The following RFX3 variants were observed in gnomAD, a reference collection of about 807,000 sequenced individuals.
The protein encoded by RFX3 is transcription factor RFX3.
RFX3 carries 14 observed loss-of-function variants against 98.6 expected under a neutral mutation model. The ratio of observed to expected loss-of-function variants is 0.14; its 90% CI spans 0.09 to 0.22. RFX3 has a LOEUF of 0.22. Among genes scored for constraint, RFX3 ranks in the 10% least tolerant of loss-of-function variants. The pLI, the probability that RFX3 is intolerant of heterozygous loss-of-function variation, is 1.00. For missense variants in RFX3, 639 were observed against 926.9 expected (o/e 0.69, Z 4.03); for synonymous variants, 383 against 328.4 (o/e 1.17, Z -1.80).
intron 2 of RFX3, among the ~76,000 whole-genome samples, chr9:3,386,705 G>C (rs1163531308): frequency 6.6e-6 from 1 of 152,134 alleles, no homozygotes; most frequent in Non-Finnish European, 1.5e-5. Flanking sequence ...AGAAAATAAT[G>C]TTGGATTTAG....
chr9:3,396,562 G>A (rs1018993088), intron 1 of RFX3, among the ~76,000 whole-genome samples: 6 of 152,076 alleles, frequency 3.9e-5, no homozygotes, highest in Admixed American at 6.5e-5. Context: ...ACCCAGTAAC[G>A]GGATGGCTGG....
intron 4 of RFX3, among the ~76,000 whole-genome samples, chr9:3,305,968 T>C (rs929534628): frequency 1.8e-4 from 28 of 152,132 alleles, no homozygotes; most frequent in African/African-American, 5.3e-4. Context: ...TAAGATCACA[T>C]GCTTCCAGTT....
chr9:3,382,340 C>T (rs912552969), intron 2 of RFX3, among the ~76,000 whole-genome samples: 5 of 152,052 alleles, frequency 3.3e-5, no homozygotes, highest in African/African-American at 4.8e-5. Context: ...TGTATTCTGT[C>T]CCACATTCAA....
intron 5 of RFX3, among the ~76,000 whole-genome samples, chr9:3,297,183 C>T (rs1323092003): frequency 6.6e-6 from 1 of 151,948 alleles, no homozygotes; most frequent in African/African-American, 2.4e-5. Flanking sequence ...TAGTATTCCC[C>T]AATCTTAACA....
chr9:3,289,941 T>A (rs184789175), intron 6 of RFX3, among the ~76,000 whole-genome samples: 3 of 151,850 alleles, frequency 2.0e-5, no homozygotes, highest in Non-Finnish European at 4.4e-5. Context: ...TAGTTCATTT[T>A]AAAAAAAAGT....
rs1312377621 is a variant in RFX3, at chr9:3,219,982, AAG to A, written c.*5058_*5059del. 1 of 152,226 alleles carries A rather than the reference AAG, an allele frequency of 6.6e-6. No individual in the cohort carries two copies. The highest frequency in any genetic ancestry group is 1.5e-5 in the Non-Finnish European group (1 of 68,050). The allele number at this position is 152,226 out of a possible 1,614,324, so 9.4% of individuals were successfully genotyped here. A position where few individuals can be genotyped will look rare whatever the true frequency, so the allele number is the denominator to read the frequency against. On this transcript the variant is annotated 3_prime_UTR_variant, in exon 17 of 17. Transcript: ENST00000617270. ...GGGAACAGAGGGAATCAAGTGCACG[AAG>A]AGATTCCCTTGAACAAAATCAGCAA...
intron 13 of RFX3, among the ~76,000 whole-genome samples, chr9:3,262,471 T>C (rs1389701431): frequency 6.6e-6 from 1 of 152,206 alleles, no homozygotes. Context: ...TTCTTAGTTC[T>C]TTCAAGGAGG....
chr9:3,234,050 C>T (rs556429623), intron 15 of RFX3, among the ~76,000 whole-genome samples: 2 of 152,296 alleles, frequency 1.3e-5, no homozygotes, highest in East Asian at 1.9e-4. Context: ...CGGGTAGGCA[C>T]ATTTTCATCC....
rs888496159 is a variant in RFX3 at position 3,221,256 on chromosome 9, G to A, written c.*3786C>T. 7 of 151,826 alleles carry A rather than the reference G, an allele frequency of 4.6e-5. No homozygotes were observed. Among genetic ancestry groups the A allele is most frequent in the African/African-American group, 1.7e-4 (7 of 41,332 alleles). 9.4% of individuals were successfully genotyped at this position (151,826 alleles called of 1,614,324 possible). On this transcript the variant is annotated 3_prime_UTR_variant, in exon 17 of 17. Coordinates refer to ENST00000617270, the MANE Select transcript of RFX3 (RefSeq NM_001282116.2). ...TAGACATTTCAAATATATCATCTGAGGAATTTTTAAAAATTTGAAAATGCA... is the reference window on the plus strand; with the variant it reads ...TAGACATTTCAAATATATCATCTGAAGAATTTTTAAAAATTTGAAAATGCA...
chr9:3,455,137 A>G (rs1015408212), intron 1 of RFX3, among the ~76,000 whole-genome samples: 11 of 152,202 alleles, frequency 7.2e-5, no homozygotes, highest in African/African-American at 2.7e-4. Flanking sequence ...GTACTCTTCT[A>G]TGTAAGACCA....
chr9:3,305,497 G>A (rs1359950043), intron 4 of RFX3, among the ~76,000 whole-genome samples: 1 of 151,896 alleles, frequency 6.6e-6, no homozygotes, highest in Admixed American at 6.6e-5. Flanking sequence ...ATCATTCATA[G>A]GAATATATCA....
chr9:3,296,222 T>A lies in RFX3; in HGVS notation c.550-2964A>T, dbSNP rs983380678. ...TGAGTCCAATGGTATATTTACATTT[T>A]TATATATATATATGGGTTAATCAGA... On this transcript the variant is annotated intron_variant, in intron 5 of 16. Transcript: ENST00000617270. 5.3e-5 allele frequency among the ~76,000 whole-genome samples: 8 copies of A among 151,350 alleles called. No individual in the cohort carries two copies. The South Asian group carries it at 6.2e-4, about 12-fold the overall frequency.
chr9:3,304,083 G>A (rs1828996748), intron 4 of RFX3, among the ~76,000 whole-genome samples: 2 of 151,912 alleles, frequency 1.3e-5, no homozygotes, highest in South Asian at 4.1e-4. Context: ...ATGCATGTTG[G>A]AACCTACTTG....
chr9:3,430,228 T>G (rs983005415), intron 1 of RFX3, among the ~76,000 whole-genome samples: 1 of 152,070 alleles, frequency 6.6e-6, no homozygotes, highest in Admixed American at 6.5e-5. Flanking sequence ...AATAGCAGAG[T>G]GTTCTAGGTT....
intron 2 of RFX3, among the ~76,000 whole-genome samples, chr9:3,380,920 T>C (rs1839123426): frequency 6.6e-6 from 1 of 152,180 alleles, no homozygotes; most frequent in South Asian, 2.1e-4. Flanking sequence ...CTAGCTTCTC[T>C]AGATCACTTT....
chr9:3,427,042 ATTTG>A (rs1477432491), intron 1 of RFX3, among the ~76,000 whole-genome samples: 2 of 151,438 alleles, frequency 1.3e-5, no homozygotes, highest in African/African-American at 2.4e-5. Flanking sequence ...TAAGACCACA[ATTTG>A]TTTGTTTAAG....
chr9:3,496,458 G>A (rs756177131), intron 1 of RFX3, among the ~76,000 whole-genome samples: 1 of 151,832 alleles, frequency 6.6e-6, no homozygotes, highest in African/African-American at 2.4e-5. Flanking sequence ...GTTTCTGATT[G>A]TCTACTGCCA....
intron 1 of RFX3, chr9:3,490,342 T>C: frequency 4.1e-6 from 4 of 982,796 alleles, no homozygotes; most frequent in Non-Finnish European, 4.8e-6. Context: ...AATGACCAAG[T>C]GGCCTAAAAT....
intron 1 of RFX3, among the ~76,000 whole-genome samples, chr9:3,503,997 T>C (rs1326251491): frequency 6.6e-6 from 1 of 151,368 alleles, no homozygotes; most frequent in East Asian, 1.9e-4. Context: ...TTTTTAAGTG[T>C]TTCCAAAGAG....
Sources: gnomAD v4.1 joint callset for allele counts (sites outside exome capture counted in the v4.1 genomes callset) on GRCh38, gnomAD v4.1.1 for gene constraint, MANE v1.5 for transcripts, NCBI Gene and HGNC (gene_info 2026-07-23, HGNC 2026-07-21) for gene names.